Variants in CSMD1 observed in about 807,000 individuals in gnomAD.
CSMD1 encodes the protein CUB and Sushi multiple domains 1.
CSMD1 carries 213 observed loss-of-function variants against 417.5 expected under a neutral mutation model. That is an observed-to-expected ratio of 0.51 (90% CI 0.46 to 0.57). The LOEUF (loss-of-function observed/expected upper bound fraction) is 0.57. Among genes scored for constraint, CSMD1 ranks in the 20% least tolerant of loss-of-function variants. The probability of loss-of-function intolerance (pLI) is 0.00; values close to 1 mark genes in which losing one functional copy is unlikely to be tolerated. For missense variants in CSMD1, 6,923 were observed against 4,529.7 expected, an observed-to-expected ratio of 1.53 and a Z score of -15.17; for synonymous variants, 2,862 against 1,736.8, an observed-to-expected ratio of 1.65 and a Z score of -16.11.
At chr8:4,568,861 C>G (rs1033552498) in intron 2 of CSMD1, among the ~76,000 whole-genome samples, 3 of 152,190 alleles carry the variant, frequency 2.0e-5, no homozygotes, top group Non-Finnish European at 2.9e-5. Context: ...TTGCATTTCT[C>G]TAATGACTAG....
chr8:4,072,262 T>C (rs1473031206), intron 3 of CSMD1, among the ~76,000 whole-genome samples: 1 of 152,220 alleles, frequency 6.6e-6, no homozygotes, highest in Non-Finnish European at 1.5e-5. Flanking sequence ...TAGGAGTTTA[T>C]TTGGCCATCC....
At chr8:3,408,918 T>TA (rs886965076) in intron 13 of CSMD1, among the ~76,000 whole-genome samples, 1 of 151,930 alleles carries the variant, frequency 6.6e-6, no homozygotes, top group South Asian at 2.1e-4. Flanking sequence ...TATTTACAAA[T>TA]AAAAAAAACC....
chr8:3,167,193 G>A lies in CSMD1; in HGVS notation c.5726-4916C>T, dbSNP rs551349884. On this transcript the variant is annotated intron_variant, in intron 37 of 69. Transcript: ENST00000635120. ...GCAGGTACTTGGGAGGCTGAGGCAGGAGAAGTGCTTGAACCCAGGAGGCGG... is the reference window on the plus strand; with the variant it reads ...GCAGGTACTTGGGAGGCTGAGGCAGAAGAAGTGCTTGAACCCAGGAGGCGG... 3.3e-5 allele frequency among the ~76,000 whole-genome samples: 5 copies of A among 151,384 alleles called. No homozygotes were observed. In the South Asian group the frequency reaches 8.4e-4, roughly 25 times the overall value.
chr8:3,308,806 C>G (rs933400984), intron 23 of CSMD1, among the ~76,000 whole-genome samples: 1 of 144,536 alleles, frequency 6.9e-6, no homozygotes, highest in African/African-American at 2.5e-5. Context: ...TCACTGCAAC[C>G]TCCACCTCCC....
chr8:4,751,524 T>C (rs922675484), intron 1 of CSMD1, among the ~76,000 whole-genome samples: 3 of 152,148 alleles, frequency 2.0e-5, no homozygotes, highest in African/African-American at 7.2e-5. Flanking sequence ...CTTTCTAAAG[T>C]TATTTTATCC....
At chr8:3,504,017 G>A (rs1008329762) in intron 10 of CSMD1, among the ~76,000 whole-genome samples, 3 of 152,230 alleles carry the variant, frequency 2.0e-5, no homozygotes, top group African/African-American at 7.2e-5. Flanking sequence ...ATCAGTTCCA[G>A]TGTTCGACAG....
At chr8:4,180,320 T>A (rs986852122) in intron 3 of CSMD1, among the ~76,000 whole-genome samples, 1 of 151,074 alleles carries the variant, frequency 6.6e-6, no homozygotes, top group African/African-American at 2.4e-5. Context: ...AGTAAACTAT[T>A]GCAAGGACAA....
At chr8:4,824,233 G>C (rs1320000608) in intron 1 of CSMD1, among the ~76,000 whole-genome samples, 1 of 152,036 alleles carries the variant, frequency 6.6e-6, no homozygotes, top group Non-Finnish European at 1.5e-5. Flanking sequence ...GATTAGCCAA[G>C]AAAGAGGGCT....
At chr8:3,673,823 G>C (rs1464442971) in intron 7 of CSMD1, among the ~76,000 whole-genome samples, 4 of 152,152 alleles carry the variant, frequency 2.6e-5, no homozygotes, top group African/African-American at 9.7e-5. Context: ...CCATCATTAG[G>C]AACTCTCTGG....
intron 5 of CSMD1, among the ~76,000 whole-genome samples, chr8:3,975,895 A>G (rs1156649489): frequency 3.9e-5 from 6 of 152,254 alleles, no homozygotes; most frequent in Admixed American, 2.6e-4. Flanking sequence ...CATTAGTTGC[A>G]AATGAGTGAA....
chr8:3,719,835 G>A (rs1802048656), intron 6 of CSMD1, among the ~76,000 whole-genome samples: 2 of 152,140 alleles, frequency 1.3e-5, no homozygotes, highest in Non-Finnish European at 2.9e-5. Flanking sequence ...CCCTCACAGT[G>A]GGGATTTTGA....
At chr8:4,443,095 C>T (rs763508334) in intron 2 of CSMD1, among the ~76,000 whole-genome samples, 15 of 152,094 alleles carry the variant, frequency 9.9e-5, no homozygotes, top group Non-Finnish European at 4.4e-5. Context: ...CCTTTACTTT[C>T]TGAATATAAA....
intron 10 of CSMD1, among the ~76,000 whole-genome samples, chr8:3,558,574 ATGATGAATGGTGT>A (rs1799308073): frequency 2.8e-5 from 4 of 143,698 alleles, no homozygotes; most frequent in Non-Finnish European, 4.5e-5. Context: ...CACTCCTGCA[ATGATGAATGGTGT>A]CTCAATAGTA....
At chr8:4,955,817 G>A (rs1034400708) in intron 1 of CSMD1, among the ~76,000 whole-genome samples, 3 of 126,356 alleles carry the variant, frequency 2.4e-5, no homozygotes, top group Admixed American at 8.7e-5. Flanking sequence ...GGCCAACATG[G>A]GAATATTTAG....
chr8:4,748,297 A>C (rs1811083654), intron 1 of CSMD1, among the ~76,000 whole-genome samples: 1 of 152,266 alleles, frequency 6.6e-6, no homozygotes, highest in African/African-American at 2.4e-5. Flanking sequence ...TCCTTTCTAC[A>C]AGAGAAGCCA....
intron 2 of CSMD1, among the ~76,000 whole-genome samples, chr8:4,469,884 T>C (rs975716189): frequency 2.6e-5 from 4 of 151,784 alleles, no homozygotes; most frequent in African/African-American, 9.7e-5. Context: ...TTTTTTTTAT[T>C]TGAGACGGAG....
chr8:4,543,749 C>G (rs890550722), intron 2 of CSMD1, among the ~76,000 whole-genome samples: 1 of 150,750 alleles, frequency 6.6e-6, no homozygotes, highest in Non-Finnish European at 1.5e-5. Flanking sequence ...TGCATTCCCA[C>G]CGCTAATGAC....
intron 2 of CSMD1, among the ~76,000 whole-genome samples, chr8:4,568,157 T>C (rs1263533636): frequency 6.6e-6 from 1 of 152,148 alleles, no homozygotes; most frequent in Non-Finnish European, 1.5e-5. Context: ...TTTAAAAAAA[T>C]ATATAAGTTA....
In CSMD1 at chr8:4,660,894, G is replaced by A. The variant is rs895598708; in HGVS notation, c.86-23336C>T. ...CAACAACATTAGCTATTAGGGAAAT[G>A]CAAATTACAACTACAATGAGATATC... On this transcript the variant is annotated intron_variant, in intron 1 of 69. Coordinates refer to ENST00000635120, the MANE Select transcript of CSMD1 (RefSeq NM_033225.6). Among the ~76,000 whole-genome samples the A allele has an allele frequency of 2.6e-5, 4 of 152,144 alleles. No homozygotes were observed. In the South Asian group the frequency reaches 8.3e-4, roughly 31 times the overall value.
Sources: allele counts gnomAD v4.1 joint callset (sites outside exome capture counted in the v4.1 genomes callset), GRCh38; gene constraint gnomAD v4.1.1; transcripts MANE v1.5; gene names NCBI Gene and HGNC (gene_info 2026-07-23, HGNC 2026-07-21).